PPM1L: variants seen among roughly 807,000 people sequenced by gnomAD.
The protein encoded by PPM1L is protein phosphatase, Mg2+/Mn2+ dependent 1L.
A neutral mutation model predicts 31.4 loss-of-function variants in PPM1L; 13 were observed. The observed-to-expected ratio is 0.41, with a 90% CI of 0.27 to 0.66. The LOEUF is 0.66. Ranked by LOEUF, PPM1L falls within the 30% of genes least tolerant of loss-of-function variation. PPM1L has a pLI of 0.29. For synonymous variants in PPM1L, 184 were observed against 175.4 expected, an observed-to-expected ratio of 1.05 and a Z score of -0.39; for missense variants, 326 against 453.7, an observed-to-expected ratio of 0.72 and a Z score of 2.56.
intron 2 of PPM1L, among the ~76,000 whole-genome samples, chr3:161,012,751 G>A (rs1033017576): frequency 6.6e-6 from 1 of 152,208 alleles, no homozygotes; most frequent in Non-Finnish European, 1.5e-5. Context: ...TCTTGGGAGA[G>A]TGTATGTGTT....
rs565252198 is a variant in PPM1L at position 161,074,039 on chromosome 3, A to G, written c.*4882A>G. On this transcript the variant is annotated 3_prime_UTR_variant, in exon 4 of 4. Transcript: ENST00000498165. ...TATTTAAAAATATACAGAAAATCAC[A>G]GAAAAGGAAAAACAGAAATTTGATT... 6.6e-6 allele frequency: 1 copy of G among 152,380 alleles called. No homozygotes were observed. The highest frequency in any genetic ancestry group is 2.1e-4 in the South Asian group (1 of 4,830). The allele number at this position is 152,380 out of a possible 1,614,324, so 9.4% of individuals were successfully genotyped here.
intron 1 of PPM1L, among the ~76,000 whole-genome samples, chr3:160,918,127 C>T (rs1296646968): frequency 1.3e-5 from 2 of 152,154 alleles, no homozygotes; most frequent in Non-Finnish European, 2.9e-5. Context: ...TTCCTTTGAG[C>T]TCCCTTTGCT....
chr3:160,998,305 T>G (rs1383794679), intron 2 of PPM1L, among the ~76,000 whole-genome samples: 1 of 152,188 alleles, frequency 6.6e-6, no homozygotes, highest in African/African-American at 2.4e-5. Flanking sequence ...CTGTTCTAAT[T>G]GATTAGCACC....
intron 1 of PPM1L, among the ~76,000 whole-genome samples, chr3:160,961,141 T>TTTTGTTTGTTTG (rs533073172): frequency 6.6e-6 from 1 of 151,990 alleles, no homozygotes; most frequent in African/African-American, 2.4e-5. Context: ...AGAGGTTTGG[T>TTTTGTTTGTTTG]TTTGTTTGTT....
intron 1 of PPM1L, among the ~76,000 whole-genome samples, chr3:160,891,867 G>A (rs571474993): frequency 5.3e-5 from 8 of 152,292 alleles, no homozygotes; most frequent in African/African-American, 1.9e-4. Context: ...GAAGCTGGAA[G>A]CCATCATCCT....
chr3:160,981,845 C>G (rs1716812514), intron 2 of PPM1L, among the ~76,000 whole-genome samples: 1 of 151,976 alleles, frequency 6.6e-6, no homozygotes, highest in Non-Finnish European at 1.5e-5. Context: ...TCACTGCAGC[C>G]TCTGCCTCCC....
chr3:161,031,313 A>G (rs996102709), intron 2 of PPM1L, among the ~76,000 whole-genome samples: 1 of 152,192 alleles, frequency 6.6e-6, no homozygotes, highest in Non-Finnish European at 1.5e-5. Flanking sequence ...GGAACAAACA[A>G]TTGTTGAGCA....
intron 2 of PPM1L, among the ~76,000 whole-genome samples, chr3:161,020,012 G>A (rs1158803440): frequency 6.6e-6 from 1 of 151,752 alleles, no homozygotes; most frequent in Non-Finnish European, 1.5e-5. Flanking sequence ...TGTAATCCTA[G>A]CTACTCAGGA....
At chr3:160,925,199 A>G (rs557862261) in intron 1 of PPM1L, among the ~76,000 whole-genome samples, 8 of 152,186 alleles carry the variant, frequency 5.3e-5, no homozygotes, top group South Asian at 2.1e-4. Context: ...CCGCTGCTCT[A>G]CAACTCTGAT....
chr3:160,938,008 T>C (rs1715036067), intron 1 of PPM1L, among the ~76,000 whole-genome samples: 1 of 152,230 alleles, frequency 6.6e-6, no homozygotes, highest in African/African-American at 2.4e-5. Context: ...TTAAGTGATT[T>C]TAAATTCTTG....
chr3:160,828,059 C>T (rs1422908963), intron 1 of PPM1L, among the ~76,000 whole-genome samples: 1 of 151,852 alleles, frequency 6.6e-6, no homozygotes, highest in Non-Finnish European at 1.5e-5. Context: ...ATGAGGGATC[C>T]ACCCTCATGA....
At chr3:160,852,249 G>C (rs961680618) in intron 1 of PPM1L, among the ~76,000 whole-genome samples, 1 of 152,150 alleles carries the variant, frequency 6.6e-6, no homozygotes, top group African/African-American at 2.4e-5. Flanking sequence ...CACCCAGGAC[G>C]ATCAGGACAA....
chr3:161,018,381 A>G (rs1003141381), intron 2 of PPM1L, among the ~76,000 whole-genome samples: 42 of 152,348 alleles, frequency 2.8e-4, no homozygotes, highest in African/African-American at 9.4e-4. Context: ...TAATAATATC[A>G]AATGGTTTTC....
At chr3:160,836,198 T>G (rs1050025054) in intron 1 of PPM1L, among the ~76,000 whole-genome samples, 2 of 152,104 alleles carry the variant, frequency 1.3e-5, no homozygotes, top group African/African-American at 4.8e-5. Context: ...AAGCTGCTCT[T>G]GAATTTATTG....
intron 2 of PPM1L, among the ~76,000 whole-genome samples, chr3:160,967,398 G>C (rs748481323): frequency 6.6e-6 from 1 of 151,980 alleles, no homozygotes; most frequent in Non-Finnish European, 1.5e-5. Flanking sequence ...CAGTTCTGTA[G>C]GCTGTGAGGT....
At chr3:161,007,071 A>G (rs938258257) in intron 2 of PPM1L, among the ~76,000 whole-genome samples, 2 of 152,190 alleles carry the variant, frequency 1.3e-5, no homozygotes, top group Non-Finnish European at 2.9e-5. Context: ...TTTAATATGT[A>G]TCAAGCACAT....
At chr3:160,916,424 G>T (rs1243819555) in intron 1 of PPM1L, among the ~76,000 whole-genome samples, 1 of 152,074 alleles carries the variant, frequency 6.6e-6, no homozygotes, top group Non-Finnish European at 1.5e-5. Flanking sequence ...ATCTTGCCAT[G>T]ATAGTGCTTT....
intron 2 of PPM1L, among the ~76,000 whole-genome samples, chr3:160,976,516 G>C (rs1224258507): frequency 4.0e-5 from 6 of 149,478 alleles, no homozygotes; most frequent in Non-Finnish European, 8.9e-5. Context: ...GACTCCTTTT[G>C]GTTGGTAAGC....
At chr3:160,891,590 G>T (rs1014316968) in intron 1 of PPM1L, among the ~76,000 whole-genome samples, 1 of 152,148 alleles carries the variant, frequency 6.6e-6, no homozygotes, top group African/African-American at 2.4e-5. Flanking sequence ...ACAGCATGGC[G>T]ATTCCTCAAG....
Sources: allele counts gnomAD v4.1 joint callset (sites outside exome capture counted in the v4.1 genomes callset), GRCh38; gene constraint gnomAD v4.1.1; transcripts MANE v1.5; gene names NCBI Gene and HGNC (gene_info 2026-07-23, HGNC 2026-07-21).